Variants in FGF1 observed in about 807,000 individuals in gnomAD.
FGF1 encodes fibroblast growth factor 1, also known as beta-endothelial cell growth factor.
FGF1 carries 9 observed loss-of-function variants against 13.4 expected under a neutral mutation model. The ratio of observed to expected loss-of-function variants is 0.67; its 90% confidence interval spans 0.40 to 1.17. FGF1 has a LOEUF of 1.17. FGF1 is among the 50% of genes most tolerant of loss of function. The pLI is 0.01. For synonymous variants in FGF1, 93 were observed against 79.0 expected (o/e 1.18, Z -0.94); for missense variants, 156 against 192.7 (o/e 0.81, Z 1.13).
At position 142,601,882 on chromosome 5, in the gene FGF1, C is replaced by A. The variant is rs140476911; in HGVS notation, c.170-1077G>T. Among the ~76,000 whole-genome samples the A allele has an allele frequency of 6.8e-4, 104 of 152,222 alleles. No homozygotes were observed. In the East Asian group the frequency reaches 0.019, roughly 28 times the overall value. ...GATAATTATTAACTTGTTTATTCAC[C>A]CTAGGGTGCCCTCTTGAGAAAGGTG... On this transcript the variant is annotated intron_variant, in intron 2 of 3. Transcript: ENST00000337706.
At chr5:142,632,048 T>C (rs1203296001) in intron 1 of FGF1, among the ~76,000 whole-genome samples, 1 of 152,190 alleles carries the variant, frequency 6.6e-6, no homozygotes, top group Non-Finnish European at 1.5e-5. Flanking sequence ...CCCAAAGTGC[T>C]GTGATTACAA....
At chr5:142,601,164 G>A (rs757580984) in intron 2 of FGF1, 19 of 506,268 alleles carry the variant, frequency 3.8e-5, no homozygotes, top group South Asian at 1.0e-4. Flanking sequence ...TCACTCCCCC[G>A]GGCTCCCTCA....
intron 1 of FGF1, among the ~76,000 whole-genome samples, chr5:142,654,890 G>A (rs1168056058): frequency 6.6e-6 from 1 of 152,244 alleles, no homozygotes; most frequent in Non-Finnish European, 1.5e-5. Context: ...GGGGAGAGCA[G>A]AGGGCTGCAG....
At chr5:142,659,846 G>A (rs1561691394) in intron 1 of FGF1, among the ~76,000 whole-genome samples, 1 of 152,172 alleles carries the variant, frequency 6.6e-6, no homozygotes, top group Non-Finnish European at 1.5e-5. Context: ...AGAGAGTCAC[G>A]GCCAAAGATG....
chr5:142,610,172 G>A (rs756458176), intron 2 of FGF1, among the ~76,000 whole-genome samples: 8 of 152,194 alleles, frequency 5.3e-5, no homozygotes, highest in Non-Finnish European at 8.8e-5. Flanking sequence ...AAGGAGTTCA[G>A]CATAATGCCT....
chr5:142,694,721 A>T lies in FGF1; in HGVS notation c.-35+2901T>A, dbSNP rs548684626. ...GGGGCAAGCTTAAATTCTAAAGCCT[A>T]CCCTCTAGCCAACATTTCCCGCAAA... On this transcript the variant is annotated intron_variant, in intron 2 of 4. Transcript: ENST00000407758. Among the ~76,000 whole-genome samples, 3 of 152,166 alleles carry T rather than the reference A, an allele frequency of 2.0e-5. No homozygotes were observed. The South Asian group carries it at 6.2e-4, about 32-fold the overall frequency.
chr5:142,630,083 G>A (rs373495196), intron 1 of FGF1, among the ~76,000 whole-genome samples: 18 of 151,724 alleles, frequency 1.2e-4, no homozygotes, highest in African/African-American at 2.4e-4. Context: ...TAGTAGAGAC[G>A]GGGTCTCACC....
At chr5:142,692,268 C>T (rs958836332) in intron 2 of FGF1, among the ~76,000 whole-genome samples, 3 of 152,156 alleles carry the variant, frequency 2.0e-5, no homozygotes, top group African/African-American at 4.8e-5. Context: ...GCCCAGAAGG[C>T]GCAGGTTGCA....
chr5:142,614,387 T>C (rs1389494240), intron 1 of FGF1, among the ~76,000 whole-genome samples: 1 of 152,204 alleles, frequency 6.6e-6, no homozygotes, highest in Non-Finnish European at 1.5e-5. Flanking sequence ...CTCTTCCCAA[T>C]TGGACACAGC....
Position 142,595,262 on chromosome 5 carries a change from G to C in FGF1, c.*28C>G, listed in dbSNP as rs1303153311. ...GTGAGGACCCCTCGAAACTTCTCTGGAGTGGTCAACACCCAGAACAGATCT... is the reference window on the plus strand; with the variant it reads ...GTGAGGACCCCTCGAAACTTCTCTGCAGTGGTCAACACCCAGAACAGATCT... On this transcript the variant is annotated 3_prime_UTR_variant, in exon 4 of 4. Transcript: ENST00000337706. The C allele has an allele frequency of 6.2e-7, 1 of 1,600,954 alleles. No homozygotes were observed. Among genetic ancestry groups the C allele is most frequent in the Non-Finnish European group, 8.5e-7 (1 of 1,172,854 alleles).
At chr5:142,683,694 A>G (rs1736401901) in intron 1 of FGF1, among the ~76,000 whole-genome samples, 1 of 151,716 alleles carries the variant, frequency 6.6e-6, no homozygotes, top group East Asian at 1.9e-4. Context: ...GGTGCCGCAC[A>G]CCTGTAATCC....
chr5:142,646,239 C>CA (rs1422631155), intron 1 of FGF1, among the ~76,000 whole-genome samples: 1 of 81,018 alleles, frequency 1.2e-5, no homozygotes, highest in Non-Finnish European at 2.2e-5. Flanking sequence ...TTTTTGGAGA[C>CA]AGAGTTTCAC....
chr5:142,614,649 G>A (rs750383760), intron 1 of FGF1, among the ~76,000 whole-genome samples: 3 of 152,158 alleles, frequency 2.0e-5, no homozygotes, highest in Non-Finnish European at 4.4e-5. Flanking sequence ...CTGGACGTTC[G>A]GGACCTGCAG....
chr5:142,635,565 G>A (rs747263740), intron 1 of FGF1, among the ~76,000 whole-genome samples: 3 of 152,190 alleles, frequency 2.0e-5, no homozygotes, highest in Non-Finnish European at 2.9e-5. Context: ...AGCGCCTGAC[G>A]CTGGAATTCC....
At chr5:142,681,335 G>A (rs1773653536) in intron 1 of FGF1, among the ~76,000 whole-genome samples, 3 of 152,190 alleles carry the variant, frequency 2.0e-5, no homozygotes, top group African/African-American at 7.2e-5. Context: ...TAGGCTTGAG[G>A]ATTGTAAGGC....
chr5:142,631,852 C>T (rs1190768054), intron 1 of FGF1, among the ~76,000 whole-genome samples: 2 of 141,042 alleles, frequency 1.4e-5, no homozygotes, highest in African/African-American at 2.6e-5. Context: ...GGCGCAATCT[C>T]GGCTCACTGC....
At chr5:142,658,181 C>T (rs1597358487) in intron 1 of FGF1, among the ~76,000 whole-genome samples, 1 of 152,352 alleles carries the variant, frequency 6.6e-6, no homozygotes, top group Middle Eastern at 3.4e-3. Context: ...TATTCCCTTT[C>T]CCTCACTCCC....
At position 142,592,701 on chromosome 5, in the gene FGF1, G is replaced by C. The variant is rs1754501285; in HGVS notation, c.*2589C>G. The C allele has an allele frequency of 2.7e-6, 1 of 366,936 alleles. No individual in the cohort carries two copies. Among genetic ancestry groups the C allele is most frequent in the Non-Finnish European group, 4.8e-6 (1 of 206,398 alleles). The allele number at this position is 366,936 out of a possible 1,614,324, so 22.7% of individuals were successfully genotyped here. The stretch of plus-strand genomic sequence containing the variant: ...AGAAGATCTGACAGGCTCTTTGGCT[G>C]ATTTGAAAGCAGTCCCCCTGAAGCT... On this transcript the variant is annotated 3_prime_UTR_variant, in exon 4 of 4. Coordinates refer to ENST00000337706, the MANE Select transcript of FGF1 (RefSeq NM_000800.5).
At chr5:142,692,416 A>G (rs1224259490) in intron 2 of FGF1, among the ~76,000 whole-genome samples, 1 of 152,234 alleles carries the variant, frequency 6.6e-6, no homozygotes, top group Non-Finnish European at 1.5e-5. Context: ...TCTTTGCCTC[A>G]GCAGAACATC....
Sources: allele counts gnomAD v4.1 joint callset (sites outside exome capture counted in the v4.1 genomes callset), GRCh38; gene constraint gnomAD v4.1.1; transcripts MANE v1.5; gene names NCBI Gene and HGNC (gene_info 2026-07-23, HGNC 2026-07-21).